Variants in FARP2 observed in about 807,000 individuals in gnomAD.
The protein encoded by FARP2 is FERM, ARH/RhoGEF and pleckstrin domain protein 2, also known as FERM, ARHGEF and pleckstrin domain-containing protein 2.
FARP2 carries 111 observed loss-of-function variants against 130.5 expected under a neutral mutation model. The ratio of observed to expected loss-of-function variants is 0.85; its 90% CI spans 0.73 to 1.00. The LOEUF is 1.00. Ranked by LOEUF, FARP2 falls within the 50% of genes least tolerant of loss-of-function variation. The pLI is 0.00. For synonymous variants in FARP2, 504 were observed against 516.9 expected, an observed-to-expected ratio of 0.98 and a Z score of 0.34; for missense variants, 1,385 against 1,346.3, an observed-to-expected ratio of 1.03 and a Z score of -0.45.
intron 2 of FARP2, among the ~76,000 whole-genome samples, chr2:241,392,543 A>T (rs2061932075): frequency 6.6e-6 from 1 of 152,194 alleles, no homozygotes; most frequent in East Asian, 1.9e-4. Flanking sequence ...CCCACATCTC[A>T]TGGTAGAGAT....
chr2:241,453,407 G>A (rs1375351463), intron 13 of FARP2, among the ~76,000 whole-genome samples: 1 of 151,960 alleles, frequency 6.6e-6, no homozygotes, highest in East Asian at 1.9e-4. Flanking sequence ...CAGATCACAA[G>A]GTCAGGAGAT....
At chr2:241,464,066 CGTCCCCTCAGAAAAGG>C (rs889366370) in intron 17 of FARP2, 86 bp downstream of exon 17, 35 of 1,121,932 alleles carry the variant, frequency 3.1e-5, no homozygotes, top group African/African-American at 4.6e-5. Context: ...GTCAGAACAG[CGTCCCCTCAGAAAAGG>C]GTCCCCTCAG....
chr2:241,470,946 C>G (rs2064289207), intron 18 of FARP2, among the ~76,000 whole-genome samples: 1 of 150,738 alleles, frequency 6.6e-6, no homozygotes, highest in African/African-American at 2.4e-5. Flanking sequence ...TGGGTGCTCA[C>G]TACCCTGAGG....
At chr2:241,422,289 G>A (rs1455077769) in intron 8 of FARP2, among the ~76,000 whole-genome samples, 4 of 146,680 alleles carry the variant, frequency 2.7e-5, no homozygotes, top group Middle Eastern at 3.4e-3. Flanking sequence ...AATTAACCAC[G>A]CACAGCGGTA....
chr2:241,487,500 T>G (rs2124899762), intron 21 of FARP2, among the ~76,000 whole-genome samples: 1 of 151,210 alleles, frequency 6.6e-6, no homozygotes, highest in Admixed American at 6.6e-5. Flanking sequence ...AAACCCTGTC[T>G]CTACTAAAAA....
At chr2:241,399,208 A>AT (rs1274722823) in intron 2 of FARP2, among the ~76,000 whole-genome samples, 1 of 152,142 alleles carries the variant, frequency 6.6e-6, no homozygotes, top group African/African-American at 2.4e-5. Context: ...TGAAGTGCCT[A>AT]TTTAAGTCTT....
chr2:241,392,764 G>A (rs947785338), intron 2 of FARP2, among the ~76,000 whole-genome samples: 2 of 151,796 alleles, frequency 1.3e-5, no homozygotes, highest in Non-Finnish European at 2.9e-5. Context: ...ACATAGTGAA[G>A]CCCTATCTCT....
intron 13 of FARP2, among the ~76,000 whole-genome samples, chr2:241,449,314 A>G (rs1559781164): frequency 6.6e-6 from 1 of 152,134 alleles, no homozygotes; most frequent in African/African-American, 2.4e-5. Flanking sequence ...GGAAAAAAAA[A>G]AAAGAAAGAC....
chr2:241,396,882 C>T (rs1256931182), intron 2 of FARP2, among the ~76,000 whole-genome samples: 1 of 152,176 alleles, frequency 6.6e-6, no homozygotes, highest in Non-Finnish European at 1.5e-5. Flanking sequence ...GACACATGCA[C>T]ACGTGTGTTT....
At chr2:241,416,179 T>C (rs1469460700) in intron 7 of FARP2, among the ~76,000 whole-genome samples, 1 of 152,142 alleles carries the variant, frequency 6.6e-6, no homozygotes, top group Non-Finnish European at 1.5e-5. Flanking sequence ...TTGTATACTG[T>C]GGTTATGTGT....
intron 7 of FARP2, among the ~76,000 whole-genome samples, chr2:241,414,307 G>A (rs1365062180): frequency 6.6e-6 from 1 of 152,186 alleles, no homozygotes; most frequent in Non-Finnish European, 1.5e-5. Flanking sequence ...AAAGGGCTCT[G>A]GGCTCTGGCC....
At chr2:241,458,310 G>A (rs1173904393) in intron 14 of FARP2, among the ~76,000 whole-genome samples, 1 of 152,136 alleles carries the variant, frequency 6.6e-6, no homozygotes, top group African/African-American at 2.4e-5. Flanking sequence ...GCTGGTACAG[G>A]GGGAGGTATG....
rs562453002 is a variant in FARP2 at position 241,470,973 on chromosome 2, G to A, written c.2131+2596G>A. Among the ~76,000 whole-genome samples the A allele has an allele frequency of 7.2e-5, 11 of 151,952 alleles. 1 individual carries two copies. The South Asian group carries it at 2.3e-3, about 32-fold the overall frequency. On this transcript the variant is annotated intron_variant, in intron 18 of 26. Transcript: ENST00000264042. The stretch of plus-strand genomic sequence containing the variant: ...ACCCTGAGGGAACTCTTATGTGAGG[G>A]GAATGTTATTCTGGGGGGGACACTA...
At chr2:241,424,947 G>A (rs375467117) in intron 8 of FARP2, among the ~76,000 whole-genome samples, 5 of 152,138 alleles carry the variant, frequency 3.3e-5, no homozygotes, top group South Asian at 4.1e-4. Flanking sequence ...AGTGGCTCAC[G>A]TCTGAATCCC....
chr2:241,409,945 G>A (rs1469853791), intron 5 of FARP2, among the ~76,000 whole-genome samples: 2 of 152,076 alleles, frequency 1.3e-5, no homozygotes, highest in Non-Finnish European at 2.9e-5. Context: ...TGTAGAAATG[G>A]AATTGCTGTG....
At chr2:241,397,341 A>C (rs187162167) in intron 2 of FARP2, among the ~76,000 whole-genome samples, 1 of 152,298 alleles carries the variant, frequency 6.6e-6, no homozygotes, top group East Asian at 1.9e-4. Flanking sequence ...TAATAATAAT[A>C]AAAATAAATA....
chr2:241,425,184 G>A (rs949304884), intron 8 of FARP2, among the ~76,000 whole-genome samples: 1 of 152,094 alleles, frequency 6.6e-6, no homozygotes, highest in Non-Finnish European at 1.5e-5. Flanking sequence ...TCCAGTCTGG[G>A]CGATGAAGTG....
chr2:241,484,240 A>G lies in FARP2; in HGVS notation c.2332-2A>G, dbSNP rs1243389269. On this transcript the variant is annotated splice_acceptor_variant, in intron 20 of 26. Coordinates refer to ENST00000264042, the MANE Select transcript of FARP2 (RefSeq NM_014808.4). LOFTEE classifies it high-confidence loss of function. ...ATGGATGTAAAGCTTGCTGCTTCTC[A>G]GTTCTCAGATATGTTGCTGTACACA... 1 of 1,614,090 alleles carries G rather than the reference A, an allele frequency of 6.2e-7. No homozygotes were observed. The highest frequency in any genetic ancestry group is 1.7e-5 in the Admixed American group (1 of 60,024).
intron 17 of FARP2, chr2:241,465,430 G>A (rs1057228682): frequency 2.0e-6 from 3 of 1,533,210 alleles, no homozygotes; most frequent in Admixed American, 3.9e-5. Flanking sequence ...TTTCCACCTT[G>A]GCTGCTAGGC....
Sources: gnomAD v4.1 joint callset for allele counts (sites outside exome capture counted in the v4.1 genomes callset) on GRCh38, gnomAD v4.1.1 for gene constraint, MANE v1.5 for transcripts, NCBI Gene and HGNC (gene_info 2026-07-23, HGNC 2026-07-21) for gene names.